The following PTPRD variants were observed in gnomAD, a reference collection of about 807,000 sequenced individuals.
PTPRD encodes the protein receptor-type tyrosine-protein phosphatase delta.
Under a neutral mutation model 214.5 loss-of-function variants are expected in PTPRD, and 34 were observed. The ratio of observed to expected loss-of-function variants is 0.16; its 90% CI spans 0.12 to 0.21. The LOEUF (loss-of-function observed/expected upper bound fraction) is 0.21, where lower values mean the gene tolerates loss of function less well. Ranked by LOEUF, PTPRD falls within the 10% of genes least tolerant of loss-of-function variation. The pLI, the probability that PTPRD is intolerant of heterozygous loss-of-function variation, is 1.00. For missense variants in PTPRD, 2,545 were observed against 2,398.7 expected (o/e 1.06, Z -1.27); for synonymous variants, 1,128 against 845.7 (o/e 1.33, Z -5.79).
At chr9:9,435,611 C>A (rs1333816232) in intron 8 of PTPRD, among the ~76,000 whole-genome samples, 2 of 152,078 alleles carry the variant, frequency 1.3e-5, no homozygotes, top group Non-Finnish European at 2.9e-5. Flanking sequence ...GATTTTTCAA[C>A]TGCCTTTCAT....
At chr9:9,161,865 T>C (rs1405337984) in intron 10 of PTPRD, among the ~76,000 whole-genome samples, 3 of 152,108 alleles carry the variant, frequency 2.0e-5, no homozygotes, top group Admixed American at 6.6e-5. Flanking sequence ...CATATATATA[T>C]ATATTTAAAT....
At chr9:9,317,914 G>A (rs908135441) in intron 9 of PTPRD, among the ~76,000 whole-genome samples, 3 of 152,116 alleles carry the variant, frequency 2.0e-5, no homozygotes, top group Non-Finnish European at 4.4e-5. Flanking sequence ...GCTCACGCCT[G>A]TAATCCCAGC....
intron 12 of PTPRD, among the ~76,000 whole-genome samples, chr9:8,677,175 A>T (rs1344198254): frequency 6.6e-6 from 1 of 152,194 alleles, no homozygotes; most frequent in Non-Finnish European, 1.5e-5. Context: ...CTAAACTGGA[A>T]ATCTCAACAA....
chr9:9,871,141 A>T (rs2065302676), intron 5 of PTPRD, among the ~76,000 whole-genome samples: 1 of 152,202 alleles, frequency 6.6e-6, no homozygotes, highest in Admixed American at 6.6e-5. Context: ...GAAAACTTGA[A>T]GCCTACAAAA....
chr9:9,783,705 C>T (rs1028760320), intron 5 of PTPRD, among the ~76,000 whole-genome samples: 2 of 152,052 alleles, frequency 1.3e-5, no homozygotes, highest in African/African-American at 2.4e-5. Context: ...AGTTCCTCCC[C>T]TCCCAAGCCT....
intron 11 of PTPRD, among the ~76,000 whole-genome samples, chr9:8,998,467 G>A (rs751024536): frequency 3.3e-5 from 5 of 151,930 alleles, no homozygotes; most frequent in Admixed American, 6.6e-5. Flanking sequence ...AATATTTTAA[G>A]CCCATTGTTG....
intron 5 of PTPRD, among the ~76,000 whole-genome samples, chr9:9,789,925 T>C (rs1261630185): frequency 6.6e-6 from 1 of 151,894 alleles, no homozygotes; most frequent in Non-Finnish European, 1.5e-5. Flanking sequence ...TGAACTTCAA[T>C]TATATTCAGG....
intron 8 of PTPRD, among the ~76,000 whole-genome samples, chr9:9,463,407 T>A (rs944313771): frequency 4.6e-5 from 7 of 151,878 alleles, no homozygotes; most frequent in Non-Finnish European, 1.0e-4. Context: ...AGAGGGAGAT[T>A]TGGAGAGAGC....
intron 14 of PTPRD, among the ~76,000 whole-genome samples, chr9:8,628,444 C>T (rs1258648775): frequency 2.0e-5 from 3 of 151,752 alleles, no homozygotes; most frequent in Non-Finnish European, 4.4e-5. Flanking sequence ...TCCAACTGCT[C>T]ACTGTGTGTT....
intron 2 of PTPRD, among the ~76,000 whole-genome samples, chr9:10,523,601 G>GTATATATA (rs201455705): frequency 0.02 from 1,285 of 64,332 alleles, 118 homozygotes; most frequent in South Asian, 0.071. Context: ...ATATTTATCT[G>GTATATATA]TATATATATA....
intron 2 of PTPRD, among the ~76,000 whole-genome samples, chr9:10,390,095 A>T (rs930646531): frequency 1.3e-5 from 2 of 151,886 alleles, no homozygotes; most frequent in East Asian, 3.9e-4. Context: ...GGAGCAAATA[A>T]AGAAAATATT....
At chr9:10,096,372 C>T (rs1010472258) in intron 3 of PTPRD, among the ~76,000 whole-genome samples, 1 of 151,802 alleles carries the variant, frequency 6.6e-6, no homozygotes, top group South Asian at 2.1e-4. Context: ...TTAAAAAATG[C>T]TACTTCTCCA....
At chr9:9,912,519 T>G (rs1026568493) in intron 5 of PTPRD, among the ~76,000 whole-genome samples, 3 of 152,196 alleles carry the variant, frequency 2.0e-5, no homozygotes, top group African/African-American at 4.8e-5. Flanking sequence ...CAATAGCACA[T>G]GTTTTGCCTC....
chr9:9,146,556 C>A (rs940325770), intron 10 of PTPRD, among the ~76,000 whole-genome samples: 8 of 152,006 alleles, frequency 5.3e-5, no homozygotes, highest in African/African-American at 1.9e-4. Flanking sequence ...TTATAGTCAC[C>A]ATGAACAGAG....
chr9:10,208,261 TC>T (rs1381303326), intron 3 of PTPRD, among the ~76,000 whole-genome samples: 1 of 152,208 alleles, frequency 6.6e-6, no homozygotes, highest in Admixed American at 6.5e-5. Context: ...AGGCCCGTAA[TC>T]CCAGCACTTT....
chr9:10,235,172 A>C (rs988394942), intron 3 of PTPRD, among the ~76,000 whole-genome samples: 25 of 152,066 alleles, frequency 1.6e-4, no homozygotes, highest in Admixed American at 9.8e-4. Flanking sequence ...AGAATGTTTA[A>C]ATATTGTGAA....
intron 8 of PTPRD, among the ~76,000 whole-genome samples, chr9:9,503,122 G>T (rs191412511): frequency 1.2e-4 from 18 of 151,792 alleles, no homozygotes; most frequent in African/African-American, 4.3e-4. Context: ...GGTCAAAGAA[G>T]GGACTTGGTT....
chr9:8,939,986 C>A, intron 11 of PTPRD, among the ~76,000 whole-genome samples: 1 of 149,590 alleles, frequency 6.7e-6, no homozygotes, highest in African/African-American at 2.5e-5. Context: ...ACCAGAGTAG[C>A]AAGGAATAAA....
chr9:10,364,292 C>G (rs2097467836), intron 2 of PTPRD, among the ~76,000 whole-genome samples: 1 of 152,082 alleles, frequency 6.6e-6, no homozygotes, highest in Non-Finnish European at 1.5e-5. Flanking sequence ...TGAGCCACCA[C>G]TCCCAGTCTA....
Sources: gnomAD v4.1 joint callset for allele counts (sites outside exome capture counted in the v4.1 genomes callset) on GRCh38, gnomAD v4.1.1 for gene constraint, MANE v1.5 for transcripts, NCBI Gene and HGNC (gene_info 2026-07-23, HGNC 2026-07-21) for gene names.